Variants in CD99 observed in about 807,000 individuals in gnomAD.
The protein encoded by CD99 is CD99 molecule (Xg blood group).
In CD99, 19 loss-of-function variants were observed where a neutral mutation model predicts 28.4. That is an observed-to-expected ratio of 0.67 (90% CI 0.47 to 0.98). The LOEUF (loss-of-function observed/expected upper bound fraction) is 0.98, where lower values mean the gene tolerates loss of function less well. Among genes scored for constraint, CD99 ranks in the 50% least tolerant of loss-of-function variants. The probability of loss-of-function intolerance (pLI) is 0.00; values close to 1 mark genes in which losing one functional copy is unlikely to be tolerated. For missense variants in CD99, 283 were observed against 248.8 expected (o/e 1.14, Z -0.92); for synonymous variants, 103 against 92.1 (o/e 1.12, Z -0.67).
chrX:2,726,281 C>G lies in CD99; in HGVS notation c.383C>G (p.Pro128Arg). The change falls in exon 8 of 10, where the codon CCC (proline) becomes CGC (arginine). Residue 128 changes from proline to arginine, a missense_variant. Pro to Arg is a moderately radical substitution (Grantham distance 103). Coordinates refer to ENST00000381192, the MANE Select transcript of CD99 (RefSeq NM_002414.5). ...GEEADAPGVI[P>R]GIVGAVVVAV... is the part of the protein sequence containing the mutation. ...GCAGCCGACGCCCCAGGCGTGATCC[C>G]CGGGATTGTGGGGGCTGTCGTGGTC... is the stretch of plus-strand genomic sequence containing the variant. 1.2e-6 allele frequency: 2 copies of G among 1,611,502 alleles called. No individual in the cohort carries two copies. The highest frequency in any genetic ancestry group is 2.2e-5 in the South Asian group (2 of 90,974).
At chrX:2,710,614 C>T (rs1363617724) in intron 1 of CD99, among the ~76,000 whole-genome samples, 1 of 149,460 alleles carries the variant, frequency 6.7e-6, no homozygotes, top group African/African-American at 2.5e-5. Flanking sequence ...GAATGTCTTT[C>T]TTGCTAAAGA....
intron 8 of CD99, among the ~76,000 whole-genome samples, chrX:2,728,527 C>T (rs764192083): frequency 1.9e-4 from 29 of 152,024 alleles, no homozygotes; most frequent in African/African-American, 6.3e-4. Context: ...CAGTTTTGAG[C>T]GGGACCCAAA....
At chrX:2,707,434 C>A (rs1410297120) in intron 1 of CD99, among the ~76,000 whole-genome samples, 5 of 152,196 alleles carry the variant, frequency 3.3e-5, no homozygotes, top group Non-Finnish European at 7.3e-5. Flanking sequence ...TAGTGCAAGC[C>A]TTAGTCACGT....
intron 8 of CD99, chrX:2,733,687 T>A: frequency 2.2e-6 from 1 of 459,470 alleles, no homozygotes; most frequent in Non-Finnish European, 3.9e-6. Flanking sequence ...GACTTCCATG[T>A]TTTAATGAGT....
chrX:2,732,996 CCCTCCCTT>C (rs2049747012), intron 8 of CD99, among the ~76,000 whole-genome samples: 1 of 148,342 alleles, frequency 6.7e-6, no homozygotes, highest in Non-Finnish European at 1.5e-5. Context: ...ACTTCTTCCT[CCCTCCCTT>C]CCTCCATACC....
intron 1 of CD99, among the ~76,000 whole-genome samples, chrX:2,692,937 A>C (rs1443640850): frequency 6.6e-6 from 1 of 152,182 alleles, no homozygotes; most frequent in Admixed American, 6.5e-5. Flanking sequence ...AGACAGGGCC[A>C]CAGGGACCTT....
intron 5 of CD99, among the ~76,000 whole-genome samples, chrX:2,721,408 G>A (rs907604964): frequency 1.3e-5 from 2 of 151,864 alleles, no homozygotes; most frequent in African/African-American, 4.8e-5. Flanking sequence ...AGATCCCCCT[G>A]CCTCAGCCTT....
chrX:2,693,431 A>T (rs1160701821), intron 1 of CD99, among the ~76,000 whole-genome samples: 7 of 152,124 alleles, frequency 4.6e-5, no homozygotes, highest in African/African-American at 1.7e-4. Context: ...GGCCGTCAGC[A>T]CTGATGGATC....
intron 9 of CD99, among the ~76,000 whole-genome samples, chrX:2,739,116 A>T (rs2050084173): frequency 6.6e-6 from 1 of 151,934 alleles, no homozygotes; most frequent in Non-Finnish European, 1.5e-5. Flanking sequence ...CAACCCTCCG[A>T]CCTCAGCTTC....
intron 8 of CD99, among the ~76,000 whole-genome samples, chrX:2,737,664 T>C (rs2050014007): frequency 6.6e-6 from 1 of 150,994 alleles, no homozygotes; most frequent in South Asian, 2.1e-4. Flanking sequence ...CCAGTTAACT[T>C]TTGTATTTTT....
At chrX:2,700,053 C>T (rs963075578) in intron 1 of CD99, among the ~76,000 whole-genome samples, 2 of 152,114 alleles carry the variant, frequency 1.3e-5, no homozygotes. Context: ...GGGAAAAATG[C>T]ATGTGGACAT....
chrX:2,720,686 G>GC (rs1359256020), intron 5 of CD99, among the ~76,000 whole-genome samples: 1 of 132,452 alleles, frequency 7.5e-6, no homozygotes, highest in East Asian at 2.3e-4. Flanking sequence ...GTGCAGTGGT[G>GC]CCATCTTGGC....
chrX:2,733,627 G>A, intron 8 of CD99: 1 of 548,672 alleles, frequency 1.8e-6, no homozygotes, highest in Non-Finnish European at 3.3e-6. Context: ...AAAATGAAGA[G>A]AAATGCAGAT....
At position 2,741,013 on chromosome X, in the gene CD99, A is replaced by G; in HGVS notation, c.*209A>G. 1 of 624,162 alleles carries G rather than the reference A, an allele frequency of 1.6e-6. No homozygotes were observed. Among genetic ancestry groups the G allele is most frequent in the Non-Finnish European group, 2.9e-6 (1 of 349,414 alleles). 38.7% of individuals were successfully genotyped at this position (624,162 alleles called of 1,614,324 possible). On this transcript the variant is annotated 3_prime_UTR_variant, in exon 10 of 10. Coordinates refer to ENST00000381192, the MANE Select transcript of CD99 (RefSeq NM_002414.5). ...ATTTTACATCCAAAGGGGGATAGGCACTTGGACCCCCATTCTCCAAGGCCC... is the reference window on the plus strand; with the variant it reads ...ATTTTACATCCAAAGGGGGATAGGCGCTTGGACCCCCATTCTCCAAGGCCC...
intron 5 of CD99, among the ~76,000 whole-genome samples, chrX:2,720,786 G>A (rs113592927): frequency 0.016 from 2,436 of 151,902 alleles, 31 homozygotes; most frequent in Middle Eastern, 0.048. Flanking sequence ...TGCCATGCCC[G>A]GCTAATTTTT....
rs2047409610 is a variant in CD99 at position 2,693,124 on chromosome X, T to C, written c.67+1697T>C. 4.7e-5 allele frequency among the ~76,000 whole-genome samples: 7 copies of C among 150,112 alleles called. No homozygotes were observed. The South Asian group carries it at 1.5e-3, about 32-fold the overall frequency. ...AAGCCCCAAACAAGTCGTTGCACAG[T>C]TTTTTTGTTTTTGTTGGTGGTGGTG... is the stretch of plus-strand genomic sequence containing the variant. On this transcript the variant is annotated intron_variant, in intron 1 of 9. Transcript: ENST00000381192.
intron 8 of CD99, chrX:2,733,502 C>T (rs41304691): frequency 2.2e-4 from 205 of 937,174 alleles, no homozygotes; most frequent in Non-Finnish European, 3.1e-4. Context: ...ATTCCCACCA[C>T]GATGGGATTC....
chrX:2,723,251 C>G, intron 6 of CD99, 63 bp from the exon 7 acceptor site: 1 of 1,553,340 alleles, frequency 6.4e-7, no homozygotes, highest in Non-Finnish European at 8.9e-7. Context: ...CTTCACGGTC[C>G]TGGCTGTGAA....
intron 1 of CD99, among the ~76,000 whole-genome samples, chrX:2,705,915 C>T (rs1038396483): frequency 6.6e-6 from 1 of 152,066 alleles, no homozygotes; most frequent in African/African-American, 2.4e-5. Context: ...GGTGCTTGCT[C>T]CAATGTGGAG....
Sources: gnomAD v4.1 joint callset for allele counts (sites outside exome capture counted in the v4.1 genomes callset) on GRCh38, gnomAD v4.1.1 for gene constraint, MANE v1.5 for transcripts, NCBI Gene and HGNC (gene_info 2026-07-23, HGNC 2026-07-21) for gene names.